Variants in USP6 observed in about 807,000 individuals in gnomAD.
The protein encoded by USP6 is ubiquitin specific peptidase 6.
Under a neutral mutation model 175.7 loss-of-function variants are expected in USP6, and 128 were observed. That is an observed-to-expected ratio of 0.73 (90% confidence interval 0.63 to 0.84). The LOEUF is 0.84. USP6 is among the 40% of genes least tolerant of loss of function. The probability of loss-of-function intolerance (pLI) is 0.00; values close to 1 mark genes in which losing one functional copy is unlikely to be tolerated. For missense variants in USP6, 1,498 were observed against 1,760.3 expected (o/e 0.85, Z 2.67); for synonymous variants, 562 against 630.6 (o/e 0.89, Z 1.63).
chr17:5,132,073 C>A lies in USP6; in HGVS notation c.156-323C>A. 1.1e-6 allele frequency: 1 copy of A among 920,332 alleles called. No individual in the cohort carries two copies. The highest frequency in any genetic ancestry group is 1.5e-6 in the Non-Finnish European group (1 of 660,894). The allele number at this position is 920,332 out of a possible 1,614,324, so 57.0% of individuals were successfully genotyped here. On this transcript the variant is annotated intron_variant, in intron 11 of 37. Coordinates refer to ENST00000574788, the MANE Select transcript of USP6 (RefSeq NM_001304284.2). This position sits in a 1 kb window ranked among gnomAD's most constrained non-coding sequence, Gnocchi z 4.7. ...ATGCTGGGTGGCCCCCATCCCATCT[C>A]AGGGCTAACCTTTCTCAGCTCCAGC...
rs9908053 is a variant in USP6 at position 5,149,083 on chromosome 17, C to G, written c.2643+316C>G. Among the ~76,000 whole-genome samples the G allele has an allele frequency of 6.0e-3, 911 of 152,182 alleles. 13 individuals carry two copies. The highest frequency in any genetic ancestry group is 0.02 in the African/African-American group (849 of 41,526). ...TTAAGAGGCAACAGGATAGTCAGCA[C>G]ATCTGAGTACTACTTTCTTTAAAAA... is the stretch of plus-strand genomic sequence containing the variant. On this transcript the variant is annotated intron_variant, in intron 30 of 37. Transcript: ENST00000574788.
chr17:5,139,285 G>C lies in USP6; in HGVS notation c.1109G>C (p.Arg370Thr). The C allele has an allele frequency of 6.2e-7, 1 of 1,605,526 alleles. No homozygotes were observed. The highest frequency in any genetic ancestry group is 1.7e-4 in the Middle Eastern group (1 of 6,026). ...CGCGAGCAAGGGTCCTTGGCACCCA[G>C]GCCTGTGCCGGCTTCACGTGGTGGG... is the stretch of plus-strand genomic sequence containing the variant. ...AKREQGSLAPRPVPASRGGKT... is the reference protein window; with the variant it reads ...AKREQGSLAPTPVPASRGGKT... Residue 370 changes from arginine to threonine, a missense_variant, in exon 22 of 38, where the codon AGG becomes ACG. Transcript: ENST00000574788.
At position 5,148,614 on chromosome 17, in the gene USP6, A is replaced by G. The variant is rs2073676146; in HGVS notation, c.2490A>G (p.Leu830=). Reference sequence around the variant, plus strand: ...TCACCCTAACTACCAATGGGGACCTACCCAAACCAATATTCATCCCCAATG... The same window carrying G: ...TCACCCTAACTACCAATGGGGACCTGCCCAAACCAATATTCATCCCCAATG... The part of the protein sequence containing the change: ...GMFTLTTNGD[L]PKPIFIPNGM... Residue 830 remains leucine (L), a synonymous_variant, in exon 30 of 38, where the codon CTA becomes CTG. Coordinates refer to ENST00000574788, the MANE Select transcript of USP6 (RefSeq NM_001304284.2). The G allele has an allele frequency of 6.2e-7, 1 of 1,613,970 alleles. No individual in the cohort carries two copies. The highest frequency in any genetic ancestry group is 8.5e-7 in the Non-Finnish European group (1 of 1,179,864).
In USP6 at chr17:5,169,056, G is replaced by A. The variant is rs1476227845; in HGVS notation, c.3517+1G>A. On this transcript the variant is annotated splice_donor_variant, in intron 35 of 37. Transcript: ENST00000574788. LOFTEE classifies it high-confidence loss of function. ...GCTAACATCAGCAGCAGCCCAAAAG[G>A]TGAGGCCTGGGGGCCTTATGCAGTT... is the stretch of plus-strand genomic sequence containing the variant. 6.3e-7 allele frequency: 1 copy of A among 1,597,760 alleles called. No individual in the cohort carries two copies. Among genetic ancestry groups the A allele is most frequent in the African/African-American group, 1.3e-5 (1 of 74,382 alleles).
chr17:5,135,341 G>T, intron 16 of USP6, 59 bp downstream of exon 16: 1 of 1,590,750 alleles, frequency 6.3e-7, no homozygotes, highest in South Asian at 1.1e-5. Context: ...AGGAGTGGGT[G>T]TCTGGTGGGG....
rs934601078 is a variant in USP6 at position 5,135,915 on chromosome 17, G to A, written c.651G>A (p.Arg217=). ...TGGTGCAGCTGCTGGCCAGTGAGAGGCACTCCCTGCCAGGTAGGTGAACAG... is the reference window on the plus strand; with the variant it reads ...TGGTGCAGCTGCTGGCCAGTGAGAGACACTCCCTGCCAGGTAGGTGAACAG... ...WALVQLLASE[R]HSLPGFHSPN... Residue 217 remains arginine (R), a synonymous_variant, in exon 17 of 38, where the codon AGG becomes AGA. Transcript: ENST00000574788. 2.5e-6 allele frequency: 4 copies of A among 1,598,534 alleles called. No individual in the cohort carries two copies. The highest frequency in any genetic ancestry group is 3.4e-6 in the Non-Finnish European group (4 of 1,179,780).
At chr17:5,171,410 A>T (rs2074213722) in intron 36 of USP6, among the ~76,000 whole-genome samples, 177 bp from the exon 37 acceptor site, 1 of 152,188 alleles carries the variant, frequency 6.6e-6, no homozygotes, top group Admixed American at 6.5e-5. Flanking sequence ...CTTGGAGCTT[A>T]TGACTTTTGT....
At chr17:5,123,916 C>T (rs1016266388) in intron 4 of USP6, among the ~76,000 whole-genome samples, 1 of 117,556 alleles carries the variant, frequency 8.5e-6, no homozygotes, top group African/African-American at 3.2e-5. Context: ...CACACACACA[C>T]ACGCACACAC....
At chr17:5,124,262 G>C (rs1265857289) in intron 4 of USP6, among the ~76,000 whole-genome samples, 2 of 152,194 alleles carry the variant, frequency 1.3e-5, no homozygotes, top group Non-Finnish European at 2.9e-5. Flanking sequence ...CCAGGACAGG[G>C]CCTGGGAAGT....
At chr17:5,156,196 C>T (rs1444760705) in intron 31 of USP6, among the ~76,000 whole-genome samples, 2 of 152,046 alleles carry the variant, frequency 1.3e-5, no homozygotes, top group Non-Finnish European at 2.9e-5. Flanking sequence ...TTCCCTTTTT[C>T]CTACCACTGT....
At chr17:5,143,098 C>T (rs559224705) in intron 25 of USP6, among the ~76,000 whole-genome samples, 1 of 152,130 alleles carries the variant, frequency 6.6e-6, no homozygotes, top group Non-Finnish European at 1.5e-5. Flanking sequence ...GTCAGCCCCC[C>T]ACCCGGCCAG....
At position 5,142,021 on chromosome 17, in the gene USP6, C is replaced by T. The variant is rs1185022890; in HGVS notation, c.1592C>T (p.Ala531Val). 1.9e-6 allele frequency: 3 copies of T among 1,613,108 alleles called. No individual in the cohort carries two copies. The highest frequency in any genetic ancestry group is 2.5e-6 in the Non-Finnish European group (3 of 1,179,582). ...DRQKVPTEKGATGLSNLGNTC... is the reference protein window; with the variant it reads ...DRQKVPTEKGVTGLSNLGNTC... The stretch of plus-strand genomic sequence containing the variant: ...GTTCCAGTTCCCACAGAAAAGGGAG[C>T]CACAGGTCTAAGCAACCTGGGAAAC... The change falls in exon 24 of 38, where the codon GCC becomes GTC. Residue 531 changes from alanine to valine, a missense_variant. Physicochemically the swap from Ala to Val is moderately conservative, Grantham distance 64. Around this residue, in one of 2 missense-constraint regions of USP6, gnomAD observed 1,217 missense variants for 1,500.8 expected, o/e 0.81. Transcript: ENST00000574788.
In USP6 at chr17:5,132,040, G is replaced by T. The variant is rs942829962; in HGVS notation, c.156-356G>T. Among the ~76,000 whole-genome samples the T allele has an allele frequency of 3.9e-5, 6 of 152,060 alleles. No individual in the cohort carries two copies. Among genetic ancestry groups the T allele is most frequent in the Admixed American group, 6.5e-5 (1 of 15,286 alleles). On this transcript the variant is annotated intron_variant, in intron 11 of 37. Transcript: ENST00000574788. This position sits in a 1 kb window ranked among gnomAD's most constrained non-coding sequence, Gnocchi z 4.7. ...CCCTGAGGGACTCCTGTCAGGGCCC[G>T]GTCGCCCATGCTGGGTGGCCCCCAT...
chr17:5,119,092 T>G (rs2143695337), intron 2 of USP6, among the ~76,000 whole-genome samples: 1 of 152,306 alleles, frequency 6.6e-6, no homozygotes, highest in South Asian at 2.1e-4. Flanking sequence ...GTCCTGCCTC[T>G]ATCACTATCA....
Position 5,125,262 on chromosome 17 carries a change from T to C in USP6, c.-602T>C. On this transcript the variant is annotated 5_prime_UTR_variant, in exon 5 of 38. Transcript: ENST00000574788. The stretch of plus-strand genomic sequence containing the variant: ...AAACAAGTTCAGGGCTCCCACTGAT[T>C]CTACATTATGGTGAGTTGTGTAATT... The C allele has an allele frequency of 6.3e-6, 1 of 159,464 alleles. No individual in the cohort carries two copies. The allele number at this position is 159,464 out of a possible 1,614,324, so 9.9% of individuals were successfully genotyped here. A position where few individuals can be genotyped will look rare whatever the true frequency, so the allele number is the denominator to read the frequency against.
Position 5,132,727 on chromosome 17 carries a change from C to T in USP6, c.196-183C>T, listed in dbSNP as rs926827452. Among the ~76,000 whole-genome samples the T allele has an allele frequency of 3.3e-5, 5 of 152,082 alleles. No individual in the cohort carries two copies. The highest frequency in any genetic ancestry group is 2.1e-4 in the South Asian group (1 of 4,818). On this transcript the variant is annotated intron_variant, in intron 12 of 37. Coordinates refer to ENST00000574788, the MANE Select transcript of USP6 (RefSeq NM_001304284.2). This position sits in a 1 kb window ranked among gnomAD's most constrained non-coding sequence, Gnocchi z 4.7. Reference sequence around the variant, plus strand: ...TCTGTGGCCTGAGGATGGCATGTCCCGGGGTCCCAAAGCCAGCCCATTGGT... The same window carrying T: ...TCTGTGGCCTGAGGATGGCATGTCCTGGGGTCCCAAAGCCAGCCCATTGGT...
chr17:5,159,698 C>A (rs1598083388), intron 31 of USP6, among the ~76,000 whole-genome samples: 1 of 152,114 alleles, frequency 6.6e-6, no homozygotes, highest in Non-Finnish European at 1.5e-5. Flanking sequence ...TGTGGTGGCT[C>A]AAGCCTGTAA....
chr17:5,133,347 A>G (rs2073138148), intron 13 of USP6, 96 bp from the exon 14 acceptor site: 2 of 1,366,242 alleles, frequency 1.5e-6, no homozygotes, highest in Non-Finnish European at 2.1e-6. Context: ...CTGAGGAATC[A>G]TGGGGCCAAA....
intron 2 of USP6, among the ~76,000 whole-genome samples, chr17:5,119,040 A>T (rs2072593611): frequency 6.6e-6 from 1 of 152,190 alleles, no homozygotes; most frequent in African/African-American, 2.4e-5. Context: ...ATGGGGTTTC[A>T]CTGGGGGCCT....
Sources: allele counts gnomAD v4.1 joint callset (sites outside exome capture counted in the v4.1 genomes callset), GRCh38; gene constraint gnomAD v4.1.1; regional missense constraint gnomAD v4.1.1; non-coding constraint Gnocchi (gnomAD v3.1); transcripts MANE v1.5; gene names NCBI Gene and HGNC (gene_info 2026-07-23, HGNC 2026-07-21).